Variants in TBX19 observed in about 807,000 individuals in gnomAD.
The protein encoded by TBX19 is T-box transcription factor TBX19.
A neutral mutation model predicts 40.9 loss-of-function variants in TBX19; 33 were observed. The observed-to-expected ratio is 0.81, with a 90% CI of 0.61 to 1.08. The LOEUF (loss-of-function observed/expected upper bound fraction) is 1.08. Ranked by LOEUF, TBX19 falls within the 50% of genes least tolerant of loss-of-function variation. The probability of loss-of-function intolerance (pLI) is 0.00; values close to 1 mark genes in which losing one functional copy is unlikely to be tolerated. For synonymous variants in TBX19, 220 were observed against 225.0 expected (o/e 0.98, Z 0.20); for missense variants, 494 against 574.0 (o/e 0.86, Z 1.42).
chr1:168,304,988 A>G lies in TBX19; in HGVS notation c.728-20A>G. ...GAGTTCACAGACTCAGTCTTGGTGT[A>G]TTCCTCTTGTCTATTTTAGTGGGAG... On this transcript the variant is annotated intron_variant, in intron 5 of 7. Coordinates refer to ENST00000367821, the MANE Select transcript of TBX19 (RefSeq NM_005149.3). 6.2e-7 allele frequency: 1 copy of G among 1,613,100 alleles called. No homozygotes were observed. Among genetic ancestry groups the G allele is most frequent in the Non-Finnish European group, 8.5e-7 (1 of 1,179,664 alleles).
At chr1:168,283,129 GC>G (rs1261959804) in intron 1 of TBX19, among the ~76,000 whole-genome samples, 11 of 152,324 alleles carry the variant, frequency 7.2e-5, no homozygotes, top group African/African-American at 2.4e-4. Flanking sequence ...GGGTCCTTGA[GC>G]CCGGGATCAG....
intron 6 of TBX19, 107 bp from the exon 7 acceptor site, chr1:168,308,635 C>A: frequency 7.3e-7 from 1 of 1,366,550 alleles, no homozygotes; most frequent in Non-Finnish European, 1.0e-6. Context: ...ACTGTTGGTG[C>A]CTGTAGTGCA....
chr1:168,301,532 A>T lies in TBX19; in HGVS notation c.727+1049A>T, dbSNP rs372738659. On this transcript the variant is annotated intron_variant, in intron 5 of 7. Transcript: ENST00000367821. ...TGCCTCGACCTCCCAAAGTGCCGGG[A>T]TTACAGGCATGAGCCATTGCCCCCG... Among the ~76,000 whole-genome samples the T allele has an allele frequency of 2.6e-5, 4 of 152,310 alleles. No homozygotes were observed. In the East Asian group the frequency reaches 5.8e-4, roughly 22 times the overall value.
intron 2 of TBX19, among the ~76,000 whole-genome samples, chr1:168,291,974 G>T (rs976637504): frequency 6.6e-6 from 1 of 152,078 alleles, no homozygotes; most frequent in Non-Finnish European, 1.5e-5. Flanking sequence ...GAGTAAACAA[G>T]CATTTGGGGC....
At chr1:168,290,845 G>A (rs1005794714) in intron 1 of TBX19, among the ~76,000 whole-genome samples, 1 of 152,148 alleles carries the variant, frequency 6.6e-6, no homozygotes, top group African/African-American at 2.4e-5. Flanking sequence ...GTGTGCCAGT[G>A]GGAAATCTTT....
rs774793160 is a variant in TBX19 at position 168,281,183 on chromosome 1, G to A, written c.93G>A (p.Arg31=). The A allele has an allele frequency of 1.2e-6, 2 of 1,614,134 alleles. No individual in the cohort carries two copies. Among genetic ancestry groups the A allele is most frequent in the Non-Finnish European group, 1.7e-6 (2 of 1,180,010 alleles). The part of the protein sequence containing the change: ...NVVESELQAG[R]EKGDPTEKQL... ...TGGAGAGTGAGCTTCAGGCAGGGAG[G>A]GAAAAAGGCGACCCTACGGAGAAGC... Residue 31 remains arginine, a synonymous_variant, in exon 1 of 8, where the codon AGG becomes AGA. Coordinates refer to ENST00000367821, the MANE Select transcript of TBX19 (RefSeq NM_005149.3).
At chr1:168,298,432 G>C (rs1308647327) in intron 4 of TBX19, among the ~76,000 whole-genome samples, 1 of 152,024 alleles carries the variant, frequency 6.6e-6, no homozygotes, top group East Asian at 1.9e-4. Flanking sequence ...CTTCTGAGTA[G>C]CATGGCATTA....
At chr1:168,309,175 C>T (rs1169536892) in intron 7 of TBX19, among the ~76,000 whole-genome samples, 1 of 152,142 alleles carries the variant, frequency 6.6e-6, no homozygotes, top group Non-Finnish European at 1.5e-5. Context: ...CAGTTCCAGA[C>T]CAGCCTGGCC....
chr1:168,306,025 G>A (rs1266016564), intron 6 of TBX19, among the ~76,000 whole-genome samples: 1 of 152,134 alleles, frequency 6.6e-6, no homozygotes, highest in Non-Finnish European at 1.5e-5. Flanking sequence ...TAAAGTTCAT[G>A]GCATGGGAGA....
At chr1:168,291,453 C>T in intron 2 of TBX19, 29 bp downstream of exon 2, 1 of 1,613,956 alleles carries the variant, frequency 6.2e-7, no homozygotes, top group Non-Finnish European at 8.5e-7. Flanking sequence ...GGCCTGGCCA[C>T]CCGCTCCGGC....
chr1:168,285,963 C>T (rs1648796943), intron 1 of TBX19, among the ~76,000 whole-genome samples: 1 of 152,118 alleles, frequency 6.6e-6, no homozygotes, highest in South Asian at 2.1e-4. Context: ...GAGTTCCATT[C>T]CCAGTTACAA....
chr1:168,283,647 G>A (rs530790711), intron 1 of TBX19, among the ~76,000 whole-genome samples: 1 of 151,702 alleles, frequency 6.6e-6, no homozygotes, highest in African/African-American at 2.4e-5. Flanking sequence ...TAGACTCTTT[G>A]TGTCTCCTTC....
chr1:168,310,689 A>T (rs1380609199), intron 7 of TBX19, among the ~76,000 whole-genome samples: 1 of 147,298 alleles, frequency 6.8e-6, no homozygotes, highest in Non-Finnish European at 1.5e-5. Context: ...AATATAAAAT[A>T]TATATACCAC....
chr1:168,305,238 G>T (rs1202206729), intron 6 of TBX19, 42 bp downstream of exon 6: 1 of 1,595,828 alleles, frequency 6.3e-7, no homozygotes, highest in Admixed American at 1.7e-5. Flanking sequence ...TATGGGCTGG[G>T]GTGGGGGCAG....
At chr1:168,291,525 C>T in intron 2 of TBX19, 101 bp downstream of exon 2, 2 of 1,520,150 alleles carry the variant, frequency 1.3e-6, no homozygotes, top group South Asian at 2.3e-5. Flanking sequence ...GGTGTCCTCA[C>T]CAGCCTCTTC....
intron 5 of TBX19, among the ~76,000 whole-genome samples, chr1:168,303,235 C>T (rs1649321204): frequency 6.6e-6 from 1 of 152,160 alleles, no homozygotes; most frequent in Non-Finnish European, 1.5e-5. Context: ...TGTTCCCCTT[C>T]CTGTGTCCAT....
In TBX19 at chr1:168,308,108, GTTC is replaced by G. The variant is rs1649444998; in HGVS notation, c.917-628_917-626del. On this transcript the variant is annotated intron_variant, in intron 6 of 7. Coordinates refer to ENST00000367821, the MANE Select transcript of TBX19 (RefSeq NM_005149.3). ...CCACATATAAGTGAGATCATATTATGTTCTTCTTTTTGTAAAAAGGTATGTTTT... is the reference window on the plus strand; with the variant it reads ...CCACATATAAGTGAGATCATATTATGTTCTTTTTGTAAAAAGGTATGTTTT... 4 of 151,340 alleles carry G rather than the reference GTTC, an allele frequency of 2.6e-5. No homozygotes were observed. The South Asian group carries it at 6.3e-4, about 24-fold the overall frequency. The allele number at this position is 151,340 out of a possible 1,614,324, so 9.4% of individuals were successfully genotyped here.
rs145436332 is a variant in TBX19 at position 168,305,129 on chromosome 1, G to T, written c.849G>T (p.Ser283=). The change falls in exon 6 of 8, where the codon TCG becomes TCT. Residue 283 remains serine, a synonymous_variant. Coordinates refer to ENST00000367821, the MANE Select transcript of TBX19 (RefSeq NM_005149.3). ...CCCACCATGGCTGTGAGCACTATTC[G>T]GGTCTCCGAGGACACCGGCAGGCTC... ...PHTHHGCEHY[S]GLRGHRQAPY... 5 of 1,613,858 alleles carry T rather than the reference G, an allele frequency of 3.1e-6. No individual in the cohort carries two copies. The African/African-American group carries it at 5.3e-5, about 17-fold the overall frequency.
chr1:168,300,844 C>G (rs1288713561), intron 5 of TBX19, among the ~76,000 whole-genome samples: 1 of 152,162 alleles, frequency 6.6e-6, no homozygotes, highest in Non-Finnish European at 1.5e-5. Context: ...TTCTCCTGTT[C>G]TTAGTGTTTG....
Sources: gnomAD v4.1 joint callset for allele counts (sites outside exome capture counted in the v4.1 genomes callset) on GRCh38, gnomAD v4.1.1 for gene constraint, MANE v1.5 for transcripts, NCBI Gene and HGNC (gene_info 2026-07-23, HGNC 2026-07-21) for gene names.